GPC6: variants seen among roughly 807,000 people sequenced by gnomAD.
The protein encoded by GPC6 is glypican 6.
GPC6 carries 14 observed loss-of-function variants against 55.2 expected under a neutral mutation model. The observed-to-expected ratio is 0.25, with a 90% CI of 0.17 to 0.40. GPC6 has a LOEUF of 0.40. Ranked by LOEUF, GPC6 falls within the 10% of genes least tolerant of loss-of-function variation. GPC6 has a pLI of 1.00. For synonymous variants in GPC6, 278 were observed against 259.6 expected, an observed-to-expected ratio of 1.07 and a Z score of -0.68; for missense variants, 641 against 708.5, an observed-to-expected ratio of 0.90 and a Z score of 1.08.
At chr13:93,314,239 G>GT (rs747173662) in intron 1 of GPC6, among the ~76,000 whole-genome samples, 5 of 151,830 alleles carry the variant, frequency 3.3e-5, no homozygotes, top group African/African-American at 4.8e-5. Context: ...ATAATACAAC[G>GT]TAATGCATCA....
At chr13:93,420,726 A>T (rs74108521) in intron 1 of GPC6, among the ~76,000 whole-genome samples, 5,040 of 152,220 alleles carry the variant, frequency 0.033, 286 homozygotes, top group African/African-American at 0.12. Flanking sequence ...TGGTTCAGTT[A>T]TGTATTCATT....
At chr13:93,481,737 G>C (rs1007261199) in intron 1 of GPC6, among the ~76,000 whole-genome samples, 3 of 151,936 alleles carry the variant, frequency 2.0e-5, no homozygotes, top group African/African-American at 7.2e-5. Flanking sequence ...TTAGCCATAC[G>C]GACAAGGATT....
intron 1 of GPC6, among the ~76,000 whole-genome samples, chr13:93,415,817 C>G (rs771669528): frequency 6.3e-4 from 96 of 151,992 alleles, no homozygotes; most frequent in Non-Finnish European, 2.4e-4. Flanking sequence ...CTTTTTCCAA[C>G]TTTTCTATTG....
chr13:94,013,183 G>T (rs1269045956), intron 3 of GPC6, among the ~76,000 whole-genome samples: 2 of 150,396 alleles, frequency 1.3e-5, no homozygotes, highest in Non-Finnish European at 1.5e-5. Context: ...TCTAATGAAT[G>T]AAAAATATCC....
intron 4 of GPC6, among the ~76,000 whole-genome samples, chr13:94,039,684 G>T (rs975907487): frequency 6.6e-6 from 1 of 151,802 alleles, no homozygotes; most frequent in African/African-American, 2.4e-5. Context: ...ACAAAAGCTG[G>T]GATGTCACAA....
chr13:93,461,664 G>A (rs1465177122), intron 1 of GPC6, among the ~76,000 whole-genome samples: 4 of 120,116 alleles, frequency 3.3e-5, no homozygotes, highest in Admixed American at 8.6e-5. Context: ...AGGTCCCGGC[G>A]GGGGGGTTGG....
At chr13:94,008,153 TACTC>T (rs1391993713) in intron 3 of GPC6, among the ~76,000 whole-genome samples, 1 of 152,168 alleles carries the variant, frequency 6.6e-6, no homozygotes, top group Non-Finnish European at 1.5e-5. Context: ...CTCTCACACA[TACTC>T]ACATGGTCAC....
chr13:94,193,338 G>A (rs1889461543), intron 4 of GPC6, among the ~76,000 whole-genome samples: 1 of 152,124 alleles, frequency 6.6e-6, no homozygotes, highest in Admixed American at 6.5e-5. Flanking sequence ...GATGAAAAAT[G>A]TAGTATTTCC....
intron 2 of GPC6, among the ~76,000 whole-genome samples, chr13:93,729,149 G>T (rs1566506995): frequency 6.6e-6 from 1 of 152,108 alleles, no homozygotes; most frequent in Non-Finnish European, 1.5e-5. Context: ...GAAATAGAGG[G>T]TCTAATAGTC....
intron 1 of GPC6, among the ~76,000 whole-genome samples, chr13:93,277,789 G>T (rs1877807566): frequency 6.6e-6 from 1 of 152,110 alleles, no homozygotes; most frequent in African/African-American, 2.4e-5. Context: ...CATTTCTTTA[G>T]AAGCTGAGTG....
intron 1 of GPC6, among the ~76,000 whole-genome samples, chr13:93,299,068 C>T (rs558141242): frequency 2.6e-5 from 4 of 152,266 alleles, no homozygotes; most frequent in African/African-American, 9.6e-5. Context: ...TACATGATCT[C>T]ATGGGGTCAT....
At chr13:93,967,884 C>G (rs1880116187) in intron 3 of GPC6, among the ~76,000 whole-genome samples, 1 of 152,240 alleles carries the variant, frequency 6.6e-6, no homozygotes, top group East Asian at 1.9e-4. Context: ...CATTGTAACC[C>G]TTTAAAAACT....
intron 1 of GPC6, among the ~76,000 whole-genome samples, chr13:93,526,017 G>A (rs1235212177): frequency 6.6e-6 from 1 of 152,068 alleles, no homozygotes; most frequent in Admixed American, 6.6e-5. Flanking sequence ...CAATTATTAG[G>A]TAGTTAACAA....
intron 6 of GPC6, among the ~76,000 whole-genome samples, chr13:94,372,897 TCCCTGAC>T (rs1879641921): frequency 6.6e-6 from 1 of 151,666 alleles, no homozygotes; most frequent in Non-Finnish European, 1.5e-5. Flanking sequence ...CTCAAGTGGG[TCCCTGAC>T]CCCTGACCCC....
chr13:94,215,204 T>G (rs1890191001), intron 4 of GPC6, among the ~76,000 whole-genome samples: 1 of 152,196 alleles, frequency 6.6e-6, no homozygotes, highest in South Asian at 2.1e-4. Context: ...GAGTGGTATT[T>G]TAGGTTGATA....
chr13:93,353,925 A>G (rs957816921), intron 1 of GPC6, among the ~76,000 whole-genome samples: 2 of 152,264 alleles, frequency 1.3e-5, no homozygotes, highest in Admixed American at 6.5e-5. Context: ...TTATCTAAAT[A>G]ATAGCTTTAG....
chr13:94,053,109 T>A (rs1884010603), intron 4 of GPC6, among the ~76,000 whole-genome samples: 1 of 152,314 alleles, frequency 6.6e-6, no homozygotes, highest in African/African-American at 2.4e-5. Flanking sequence ...TCATGGGTAA[T>A]TGACAGAATT....
At chr13:94,075,428 G>T (rs1396320234) in intron 4 of GPC6, among the ~76,000 whole-genome samples, 1 of 151,944 alleles carries the variant, frequency 6.6e-6, no homozygotes, top group Non-Finnish European at 1.5e-5. Context: ...GCAGCTTTTT[G>T]TGTGCAGGTG....
intron 1 of GPC6, among the ~76,000 whole-genome samples, chr13:93,537,749 C>G (rs192616654): frequency 6.6e-6 from 1 of 152,248 alleles, no homozygotes; most frequent in African/African-American, 2.4e-5. Flanking sequence ...CTGTTACCAT[C>G]ATTTCCATTC....
Sources: gnomAD v4.1 joint callset for allele counts (sites outside exome capture counted in the v4.1 genomes callset) on GRCh38, gnomAD v4.1.1 for gene constraint, MANE v1.5 for transcripts, NCBI Gene and HGNC (gene_info 2026-07-23, HGNC 2026-07-21) for gene names.